The following LRP5 variants were observed in gnomAD, a reference collection of about 807,000 sequenced individuals.
The protein encoded by LRP5 is LDL receptor related protein 5, also known as low-density lipoprotein receptor-related protein 5.
LRP5 carries 62 observed loss-of-function variants against 154.1 expected under a neutral mutation model. The observed-to-expected ratio is 0.40, with a 90% CI of 0.33 to 0.50. The LOEUF (loss-of-function observed/expected upper bound fraction) is 0.50, where lower values mean the gene tolerates loss of function less well. Among genes scored for constraint, LRP5 ranks in the 20% least tolerant of loss-of-function variants. The pLI, the probability that LRP5 is intolerant of heterozygous loss-of-function variation, is 0.55. For missense variants in LRP5, 1,915 were observed against 2,336.7 expected, an observed-to-expected ratio of 0.82 and a Z score of 3.72; for synonymous variants, 966 against 1,011.5, an observed-to-expected ratio of 0.96 and a Z score of 0.85.
At chr11:68,300,732 G>A in the LRP5 span, among the ~76,000 whole-genome samples, 10 of 149,606 alleles carry the variant, frequency 6.7e-5, no homozygotes, top group East Asian at 1.9e-4. Flanking sequence ...CTCTGTCACC[G>A]TGCTCCAGCA....
chr11:68,354,095 A>G (rs2098621039), intron 2 of LRP5, among the ~76,000 whole-genome samples: 1 of 152,218 alleles, frequency 6.6e-6, no homozygotes, highest in African/African-American at 2.4e-5. Context: ...AATTAAAGCC[A>G]GGGTGAAACC....
intron 5 of LRP5, among the ~76,000 whole-genome samples, chr11:68,380,628 G>A (rs1452496156): frequency 1.3e-5 from 2 of 152,214 alleles, no homozygotes; most frequent in African/African-American, 4.8e-5. Flanking sequence ...TTTGCATGAG[G>A]CTTCCTGGAG....
At chr11:68,419,168 TATTA>T (rs985874731) in intron 13 of LRP5, among the ~76,000 whole-genome samples, 26 of 152,336 alleles carry the variant, frequency 1.7e-4, no homozygotes, top group African/African-American at 5.5e-4. Context: ...TTTTGTTTTC[TATTA>T]ATTGTTTTTA....
chr11:68,392,189 G>C (rs745940738), intron 7 of LRP5, among the ~76,000 whole-genome samples: 4 of 152,184 alleles, frequency 2.6e-5, no homozygotes, highest in African/African-American at 9.7e-5. Context: ...GCACAAAATT[G>C]ATGATTTTAA....
chr11:68,376,537 T>A (rs2098637442), intron 5 of LRP5, among the ~76,000 whole-genome samples: 3 of 151,954 alleles, frequency 2.0e-5, no homozygotes, highest in Non-Finnish European at 4.4e-5. Flanking sequence ...CTCGCTGAGG[T>A]CTATGGAGGA....
At chr11:68,434,376 TCA>T (rs1486386322) in intron 18 of LRP5, among the ~76,000 whole-genome samples, 19 of 152,078 alleles carry the variant, frequency 1.2e-4, no homozygotes, top group South Asian at 2.1e-4. Flanking sequence ...ATTCATTCAT[TCA>T]TTCATTCATT....
intron 1 of LRP5, among the ~76,000 whole-genome samples, chr11:68,343,281 G>T (rs995295403): frequency 6.6e-5 from 10 of 152,308 alleles, no homozygotes; most frequent in African/African-American, 2.2e-4. Context: ...CACTCTGTGC[G>T]TGTGTTAGCA....
At chr11:68,446,644 C>A in intron 22 of LRP5, 111 bp downstream of exon 22, 1 of 991,842 alleles carries the variant, frequency 1.0e-6, no homozygotes, top group Non-Finnish European at 1.6e-6. Flanking sequence ...TGCTAGTGGG[C>A]AGGTGCCGGG....
At position 68,349,367 on chromosome 11, in the gene LRP5, G is replaced by A. The variant is rs570984456; in HGVS notation, c.488+1124G>A. On this transcript the variant is annotated intron_variant, in intron 2 of 22. Coordinates refer to ENST00000294304, the MANE Select transcript of LRP5 (RefSeq NM_002335.4). Reference sequence around the variant, plus strand: ...GTTCCTTTTTAAAACTTGCATGTCTGAGGCAACCGATGTGGTTGGCCATGG... The same window carrying A: ...GTTCCTTTTTAAAACTTGCATGTCTAAGGCAACCGATGTGGTTGGCCATGG... Among the ~76,000 whole-genome samples, 77 of 152,258 alleles carry A rather than the reference G, an allele frequency of 5.1e-4. 1 individual carries two copies. Among genetic ancestry groups the A allele is most frequent in the Non-Finnish European group, 5.9e-5 (4 of 68,012 alleles).
chr11:68,375,475 A>G (rs140323043), intron 5 of LRP5, among the ~76,000 whole-genome samples: 180 of 152,134 alleles, frequency 1.2e-3, no homozygotes, highest in African/African-American at 4.2e-3. Context: ...CACCACCTGG[A>G]GCACCCTTCC....
the LRP5 span, among the ~76,000 whole-genome samples, chr11:68,306,757 T>C: frequency 6.6e-6 from 1 of 152,266 alleles, no homozygotes; most frequent in African/African-American, 2.4e-5. Context: ...CAGATTATTT[T>C]TCACTACTCA....
intron 1 of LRP5, among the ~76,000 whole-genome samples, chr11:68,313,602 T>C (rs1166602853): frequency 6.6e-6 from 1 of 152,218 alleles, no homozygotes; most frequent in Admixed American, 6.5e-5. Flanking sequence ...ACTTAAGCAG[T>C]CGTGAAACGC....
intron 13 of LRP5, among the ~76,000 whole-genome samples, chr11:68,421,585 G>A (rs892506180): frequency 1.3e-5 from 2 of 152,186 alleles, no homozygotes; most frequent in Non-Finnish European, 2.9e-5. Flanking sequence ...GCCCCCTAGG[G>A]TCCACAGCTC....
chr11:68,439,538 C>T (rs1017417690), intron 20 of LRP5, among the ~76,000 whole-genome samples: 16 of 152,196 alleles, frequency 1.1e-4, no homozygotes, highest in Non-Finnish European at 1.9e-4. Flanking sequence ...CTGCCCCAGT[C>T]GCAGGCCCCT....
At chr11:68,409,833 A>G in intron 9 of LRP5, 81 bp from the exon 10 acceptor site, 1 of 1,109,382 alleles carries the variant, frequency 9.0e-7, no homozygotes. Flanking sequence ...CTGGGCAAGA[A>G]GAGCGAAACT....
chr11:68,428,943 A>AAAAAAAAAAAG lies in LRP5; in HGVS notation c.3638-628_3638-627insAAAAAAGAAAA, dbSNP rs1226823081. Among the ~76,000 whole-genome samples the AAAAAAAAAAAG allele has an allele frequency of 1.3e-3, 4 of 3,174 alleles. 2 individuals carry two copies. The highest frequency in any genetic ancestry group is 0.013 in the Admixed American group (2 of 156). The allele number at this position is 3,174 out of a possible 152,430, so 2.1% of individuals were successfully genotyped here. A position where few individuals can be genotyped will look rare whatever the true frequency, so the allele number is the denominator to read the frequency against. ...AAAAGTGAAAAAAAAAAAAAAAAAA[A>AAAAAAAAAAAG]AAAATTAGCCAGGCACAGTGGCAGG... On this transcript the variant is annotated intron_variant, in intron 16 of 22. Coordinates refer to ENST00000294304, the MANE Select transcript of LRP5 (RefSeq NM_002335.4).
chr11:68,355,338 C>A (rs1285365963), intron 2 of LRP5, among the ~76,000 whole-genome samples: 1 of 152,170 alleles, frequency 6.6e-6, no homozygotes, highest in Non-Finnish European at 1.5e-5. Context: ...TTGCCGCCCA[C>A]CCCAGGAAGA....
chr11:68,406,928 C>A, intron 9 of LRP5, 115 bp downstream of exon 9: 1 of 1,073,430 alleles, frequency 9.3e-7, no homozygotes, highest in Non-Finnish European at 1.4e-6. Flanking sequence ...TATTGTAACG[C>A]AGTTCAAGCT....
intron 2 of LRP5, 110 bp downstream of exon 2, chr11:68,348,353 A>T: frequency 1.4e-6 from 2 of 1,431,016 alleles, no homozygotes; most frequent in Middle Eastern, 2.2e-4. Flanking sequence ...TGTGACTCTG[A>T]AAATGAACCC....
Sources: gnomAD v4.1 joint callset for allele counts (sites outside exome capture counted in the v4.1 genomes callset) on GRCh38, gnomAD v4.1.1 for gene constraint, MANE v1.5 for transcripts, NCBI Gene and HGNC (gene_info 2026-07-23, HGNC 2026-07-21) for gene names.